MYO1A: variants seen among roughly 807,000 people sequenced by gnomAD.
MYO1A encodes the protein unconventional myosin-Ia.
In MYO1A, 127 loss-of-function variants were observed where a neutral mutation model predicts 138.5. The ratio of observed to expected loss-of-function variants is 0.92; its 90% CI spans 0.79 to 1.06. The LOEUF (loss-of-function observed/expected upper bound fraction) is 1.06. MYO1A is among the 50% of genes least tolerant of loss of function. The pLI is 0.00. For missense variants in MYO1A, 1,211 were observed against 1,288.8 expected (o/e 0.94, Z 0.92); for synonymous variants, 477 against 497.5 (o/e 0.96, Z 0.55).
intron 12 of MYO1A, among the ~76,000 whole-genome samples, chr12:57,042,622 A>AT (rs796161781): frequency 7.9e-5 from 12 of 152,058 alleles, no homozygotes; most frequent in South Asian, 2.1e-4. Context: ...TATTTAACTT[A>AT]TTTTTTTTCA....
chr12:57,050,324 T>C (rs928372789), upstream of MYO1A, among the ~76,000 whole-genome samples: 2 of 152,170 alleles, frequency 1.3e-5, no homozygotes, highest in Non-Finnish European at 2.9e-5. Context: ...AATTTGGAAA[T>C]GAAAGCTGGA....
At chr12:57,045,885 G>GC (rs71446595) in intron 8 of MYO1A, among the ~76,000 whole-genome samples, 7,586 of 152,232 alleles carry the variant, frequency 0.05, 288 homozygotes, top group African/African-American at 0.11. Flanking sequence ...AGGCCTGATG[G>GC]CCCCGATCAC....
intron 14 of MYO1A, among the ~76,000 whole-genome samples, chr12:57,039,604 G>A (rs1049920343): frequency 2.6e-4 from 39 of 152,312 alleles, no homozygotes; most frequent in Admixed American, 1.3e-4. Flanking sequence ...TGGGAGTGGG[G>A]AAGGATCCAT....
In MYO1A at chr12:57,041,249, C is replaced by G; in HGVS notation, c.1204G>C (p.Glu402Gln). The change falls in exon 14 of 28, where the codon GAG becomes CAG. Residue 402 changes from glutamate (E) to glutamine (Q), a missense_variant. Physicochemically the swap from Glu to Gln is conservative, Grantham distance 29 (BLOSUM62 2). Coordinates refer to ENST00000300119, the MANE Select transcript of MYO1A (RefSeq NM_005379.4). Reference sequence around the variant, plus strand: ...TCTATGAACACCTGCTGCAGCTTCTCATTGCAGTAGTTGATCACAAATTGC... The same window carrying G: ...TCTATGAACACCTGCTGCAGCTTCTGATTGCAGTAGTTGATCACAAATTGC... Reference protein sequence around the residue: ...FEQFVINYCNEKLQQVFIEMT... With the variant: ...FEQFVINYCNQKLQQVFIEMT... 6.2e-7 allele frequency: 1 copy of G among 1,614,088 alleles called. No homozygotes were observed. The highest frequency in any genetic ancestry group is 8.5e-7 in the Non-Finnish European group (1 of 1,180,018).
intron 14 of MYO1A, 94 bp downstream of exon 14, chr12:57,041,090 A>G: frequency 1.1e-6 from 1 of 899,186 alleles, no homozygotes; most frequent in Non-Finnish European, 1.8e-6. Flanking sequence ...ACATCTGGGG[A>G]CGATGTAGAG....
intron 14 of MYO1A, 40 bp from the exon 15 acceptor site, chr12:57,039,314 A>T: frequency 6.5e-7 from 1 of 1,532,250 alleles, no homozygotes; most frequent in Non-Finnish European, 9.0e-7. Flanking sequence ...AACACGTCCA[A>T]GACAAGCCTC....
chr12:57,038,659 G>A, intron 16 of MYO1A, 21 bp from the exon 17 acceptor site: 1 of 1,613,268 alleles, frequency 6.2e-7, no homozygotes, highest in Non-Finnish European at 8.5e-7. Flanking sequence ...GCAGCTATTG[G>A]TTTGGAGACC....
At chr12:57,041,073 T>C (rs956657493) in intron 14 of MYO1A, 111 bp downstream of exon 14, 20 of 794,294 alleles carry the variant, frequency 2.5e-5, no homozygotes, top group Non-Finnish European at 3.7e-5. Context: ...TTTTGTCCTC[T>C]GTGTTCACAT....
Position 57,030,226 on chromosome 12 carries a change from C to T in MYO1A, c.2575G>A (p.Ala859Thr), listed in dbSNP as rs772493735. 2 of 1,614,004 alleles carry T rather than the reference C, an allele frequency of 1.2e-6. No individual in the cohort carries two copies. The highest frequency in any genetic ancestry group is 1.7e-5 in the Admixed American group (1 of 60,002). ...CASELFKGKK[A>T]SYPQSVPIPF... ...GGCCCTCACCTCTGGGGATATGAAGCCTTCTTGCCCTTGAACAGTTCACTG... is the reference window on the plus strand; with the variant it reads ...GGCCCTCACCTCTGGGGATATGAAGTCTTCTTGCCCTTGAACAGTTCACTG... The change falls in exon 24 of 28, where the codon GCT becomes ACT. Residue 859 changes from alanine to threonine, a missense_variant. Physicochemically the swap from Ala to Thr is moderately conservative, Grantham distance 58. Transcript: ENST00000300119.
chr12:57,048,059 G>T lies in MYO1A; in HGVS notation c.160C>A (p.Leu54Ile), dbSNP rs770427632. ...VVISVNPYQQ[L>I]PIYGPEFIAK... Reference sequence around the variant, plus strand: ...ATGAACTCTGGCCCATAGATGGGAAGCTGTTGATAGGGATTCACTGAGATC... The same window carrying T: ...ATGAACTCTGGCCCATAGATGGGAATCTGTTGATAGGGATTCACTGAGATC... The change falls in exon 3 of 28, where the codon CTT becomes ATT. Residue 54 changes from leucine (L) to isoleucine (I), a missense_variant. By Grantham distance (5) the Leu-to-Ile change is conservative. Transcript: ENST00000300119. 1.2e-5 allele frequency: 20 copies of T among 1,614,140 alleles called. No homozygotes were observed. The East Asian group carries it at 4.5e-4, about 36-fold the overall frequency.
In MYO1A at chr12:57,043,852, A is replaced by G; in HGVS notation, c.892+4T>C. On this transcript the variant is annotated splice_donor_region_variant and intron_variant, in intron 10 of 27. Coordinates refer to ENST00000300119, the MANE Select transcript of MYO1A (RefSeq NM_005379.4). The stretch of plus-strand genomic sequence containing the variant: ...TAGGAGCTCCAGCAGGCTGGGATGC[A>G]GACCTCTCCCATCACGGATGCCACT... 1.2e-6 allele frequency: 2 copies of G among 1,614,160 alleles called. No individual in the cohort carries two copies. Among genetic ancestry groups the G allele is most frequent in the Non-Finnish European group, 1.7e-6 (2 of 1,180,026 alleles).
upstream of MYO1A, chr12:57,050,908 T>C (rs866222075): frequency 6.6e-6 from 1 of 152,330 alleles, no homozygotes; most frequent in Admixed American, 6.5e-5. Flanking sequence ...AGGAACAGAA[T>C]GCAGCTCCCT....
chr12:57,034,846 G>A (rs1050114611), intron 22 of MYO1A, among the ~76,000 whole-genome samples: 4 of 152,296 alleles, frequency 2.6e-5, no homozygotes, highest in Middle Eastern at 3.4e-3. Context: ...GCGCATGCCT[G>A]TAATCCCAGC....
chr12:57,030,118 G>T, intron 24 of MYO1A, 92 bp downstream of exon 24: 2 of 1,312,238 alleles, frequency 1.5e-6, no homozygotes, highest in African/African-American at 2.9e-5. Flanking sequence ...GCACCTGGGG[G>T]TGACAATCCT....
chr12:57,032,126 C>T (rs1450473812), intron 22 of MYO1A, among the ~76,000 whole-genome samples: 1 of 152,250 alleles, frequency 6.6e-6, no homozygotes, highest in African/African-American at 2.4e-5. Context: ...CCTGATTCCC[C>T]AAGCCCCGGA....
chr12:57,036,210 T>C, intron 22 of MYO1A, 97 bp downstream of exon 22: 1 of 1,230,876 alleles, frequency 8.1e-7, no homozygotes, highest in Non-Finnish European at 1.2e-6. Flanking sequence ...AGGAAACTCT[T>C]GGGGGAAAGC....
In MYO1A at chr12:57,034,997, A is replaced by T. The variant is rs76804586; in HGVS notation, c.2349+1310T>A. ...ATAAATAAATAAATAAATAAAAATTAAAAAAATGAGAATGGATACTAGCAT... is the reference window on the plus strand; with the variant it reads ...ATAAATAAATAAATAAATAAAAATTTAAAAAATGAGAATGGATACTAGCAT... On this transcript the variant is annotated intron_variant, in intron 22 of 27. Transcript: ENST00000300119. Among the ~76,000 whole-genome samples the T allele has an allele frequency of 4.4e-3, 666 of 152,208 alleles. 3 individuals carry two copies. Among genetic ancestry groups the T allele is most frequent in the African/African-American group, 0.014 (587 of 41,538 alleles).
intron 25 of MYO1A, 57 bp downstream of exon 25, chr12:57,029,683 A>G (rs1308933719): frequency 6.2e-7 from 1 of 1,613,918 alleles, no homozygotes; most frequent in Non-Finnish European, 8.5e-7. Flanking sequence ...TGCTCTCCAG[A>G]TGCCAGCCCA....
chr12:57,048,422 G>A, intron 1 of MYO1A, 79 bp from the exon 2 acceptor site: 2 of 865,916 alleles, frequency 2.3e-6, no homozygotes, highest in Middle Eastern at 3.1e-4. Flanking sequence ...GATGGCAGAA[G>A]GACCAAAAGA....
Sources: gnomAD v4.1 joint callset for allele counts (sites outside exome capture counted in the v4.1 genomes callset) on GRCh38, gnomAD v4.1.1 for gene constraint, MANE v1.5 for transcripts, NCBI Gene and HGNC (gene_info 2026-07-23, HGNC 2026-07-21) for gene names.